PLD5: variants seen among roughly 807,000 people sequenced by gnomAD.
PLD5 encodes the protein phospholipase D family member 5.
In PLD5, 36 loss-of-function variants were observed where a neutral mutation model predicts 61.1. The observed-to-expected ratio is 0.59, with a 90% CI of 0.45 to 0.78. The LOEUF is 0.78. PLD5 is among the 30% of genes least tolerant of loss of function. The pLI is 0.00. For synonymous variants in PLD5, 243 were observed against 242.8 expected, an observed-to-expected ratio of 1.00 and a Z score of -0.01; for missense variants, 515 against 644.4, an observed-to-expected ratio of 0.80 and a Z score of 2.17.
At chr1:242,355,866 T>A (rs1377152448) in intron 1 of PLD5, among the ~76,000 whole-genome samples, 4 of 152,140 alleles carry the variant, frequency 2.6e-5, no homozygotes, top group Non-Finnish European at 4.4e-5. Context: ...TTCAGGAGCA[T>A]GTTTAATTTC....
intron 1 of PLD5, among the ~76,000 whole-genome samples, chr1:242,452,162 A>G (rs1329669865): frequency 6.6e-6 from 1 of 152,080 alleles, no homozygotes; most frequent in Non-Finnish European, 1.5e-5. Context: ...ATGTAGAATC[A>G]GTGCTTTTTC....
intron 1 of PLD5, among the ~76,000 whole-genome samples, chr1:242,418,937 C>T (rs73133734): frequency 0.037 from 5,692 of 152,240 alleles, 385 homozygotes; most frequent in African/African-American, 0.13. Flanking sequence ...CTGTGATCTA[C>T]GTATTATCTA....
intron 2 of PLD5, among the ~76,000 whole-genome samples, chr1:242,302,573 G>A (rs1025343173): frequency 6.6e-6 from 1 of 152,120 alleles, no homozygotes; most frequent in African/African-American, 2.4e-5. Flanking sequence ...TTAAACATTA[G>A]CCAGGTATGG....
intron 2 of PLD5, among the ~76,000 whole-genome samples, chr1:242,332,354 C>A (rs1330027814): frequency 6.6e-6 from 1 of 152,128 alleles, no homozygotes; most frequent in Non-Finnish European, 1.5e-5. Flanking sequence ...CATACATGGG[C>A]ATGTGTCTTC....
chr1:242,284,924 T>C (rs1674932900), intron 3 of PLD5, among the ~76,000 whole-genome samples: 1 of 152,138 alleles, frequency 6.6e-6, no homozygotes, highest in Admixed American at 6.5e-5. Context: ...CAAAGCAAAA[T>C]TAGGCTCAAA....
chr1:242,161,889 G>A (rs1314932031), intron 5 of PLD5, among the ~76,000 whole-genome samples: 1 of 152,118 alleles, frequency 6.6e-6, no homozygotes, highest in Non-Finnish European at 1.5e-5. Context: ...TAAAGGGGAA[G>A]GAGAGATTCC....
At chr1:242,389,856 T>C (rs12409462) in intron 1 of PLD5, among the ~76,000 whole-genome samples, 3,049 of 152,140 alleles carry the variant, frequency 0.02, 114 homozygotes, top group East Asian at 0.11. Context: ...AACCTAAATA[T>C]AGGCTACCAT....
At chr1:242,196,604 A>G (rs1001688427) in intron 5 of PLD5, among the ~76,000 whole-genome samples, 2 of 152,244 alleles carry the variant, frequency 1.3e-5, no homozygotes, top group Admixed American at 6.5e-5. Flanking sequence ...ACACACATAT[A>G]TACTAAATGC....
At chr1:242,291,090 T>G (rs1391307720) in intron 2 of PLD5, among the ~76,000 whole-genome samples, 10 of 152,230 alleles carry the variant, frequency 6.6e-5, no homozygotes, top group Middle Eastern at 3.4e-3. Context: ...TTTGTCATCT[T>G]TACTTCCTTC....
At chr1:242,400,406 A>G (rs2654887) in intron 1 of PLD5, among the ~76,000 whole-genome samples, 64,685 of 151,650 alleles carry the variant, frequency 0.43, 14,263 homozygotes, top group African/African-American at 0.54. Flanking sequence ...AAATGAAGAA[A>G]CTCATGGTAC....
intron 1 of PLD5, among the ~76,000 whole-genome samples, chr1:242,491,696 C>T (rs1163367448): frequency 6.6e-6 from 1 of 152,194 alleles, no homozygotes; most frequent in Non-Finnish European, 1.5e-5. Flanking sequence ...CATTCTTTCT[C>T]CTGAAACTCA....
intron 4 of PLD5, among the ~76,000 whole-genome samples, chr1:242,248,923 G>A (rs1482366711): frequency 9.2e-5 from 14 of 152,044 alleles, no homozygotes; most frequent in South Asian, 4.1e-4. Flanking sequence ...CAAGGCGGGC[G>A]GATCACCTAA....
At chr1:242,314,353 C>A (rs1224104615) in intron 2 of PLD5, among the ~76,000 whole-genome samples, 4 of 152,196 alleles carry the variant, frequency 2.6e-5, no homozygotes, top group African/African-American at 9.6e-5. Context: ...TCACTGTTGA[C>A]AAGCTGCTTG....
At chr1:242,250,577 T>C (rs1196615301) in intron 4 of PLD5, among the ~76,000 whole-genome samples, 1 of 152,232 alleles carries the variant, frequency 6.6e-6, no homozygotes, top group Non-Finnish European at 1.5e-5. Context: ...TAAATTTAAA[T>C]CGATACATTC....
chr1:242,465,783 A>G (rs981484344), intron 1 of PLD5, among the ~76,000 whole-genome samples: 3 of 152,202 alleles, frequency 2.0e-5, no homozygotes, highest in Non-Finnish European at 4.4e-5. Flanking sequence ...AAAAAAAATT[A>G]GCCAGGCATG....
intron 2 of PLD5, among the ~76,000 whole-genome samples, chr1:242,327,316 T>C (rs1183012300): frequency 1.3e-5 from 2 of 152,190 alleles, no homozygotes; most frequent in Non-Finnish European, 2.9e-5. Context: ...TCATCTTTTA[T>C]ATGAGTTTAT....
At chr1:242,493,964 G>C (rs1668263144) in intron 1 of PLD5, among the ~76,000 whole-genome samples, 1 of 152,200 alleles carries the variant, frequency 6.6e-6, no homozygotes, top group Non-Finnish European at 1.5e-5. Context: ...TCGCTCTTGA[G>C]AGTGAGCTCA....
At chr1:242,348,816 A>G (rs1259070701) in intron 1 of PLD5, among the ~76,000 whole-genome samples, 1 of 152,270 alleles carries the variant, frequency 6.6e-6, no homozygotes, top group East Asian at 1.9e-4. Flanking sequence ...GCACTTTGGG[A>G]GGCCAAGGCG....
chr1:242,490,292 C>T (rs137882100), intron 1 of PLD5, among the ~76,000 whole-genome samples: 388 of 152,300 alleles, frequency 2.5e-3, no homozygotes, highest in African/African-American at 8.8e-3. Flanking sequence ...TTGTAATAAA[C>T]CCAGAAATTC....
Sources: gnomAD v4.1 joint callset for allele counts (sites outside exome capture counted in the v4.1 genomes callset) on GRCh38, gnomAD v4.1.1 for gene constraint, MANE v1.5 for transcripts, NCBI Gene and HGNC (gene_info 2026-07-23, HGNC 2026-07-21) for gene names.